Variants in TBC1D22A observed in about 807,000 individuals in gnomAD.
TBC1D22A encodes the protein TBC1 domain family member 22A, also known as putative GTPase activator.
A neutral mutation model predicts 60.2 loss-of-function variants in TBC1D22A; 38 were observed. That is an observed-to-expected ratio of 0.63 (90% confidence interval 0.49 to 0.83). The LOEUF (loss-of-function observed/expected upper bound fraction) is 0.83, where lower values mean the gene tolerates loss of function less well. TBC1D22A is among the 40% of genes least tolerant of loss of function. The pLI is 0.00. For synonymous variants in TBC1D22A, 302 were observed against 281.7 expected, an observed-to-expected ratio of 1.07 and a Z score of -0.72; for missense variants, 628 against 701.0, an observed-to-expected ratio of 0.90 and a Z score of 1.18.
intron 6 of TBC1D22A, 84 bp downstream of exon 6, chr22:46,891,478 C>T: frequency 6.9e-7 from 1 of 1,440,488 alleles, no homozygotes; most frequent in Non-Finnish European, 9.2e-7. Flanking sequence ...TTATCAAAAC[C>T]ATGTGGAGTT....
At chr22:46,847,923 GTGTGTGTGTGT>G (rs2087084131) in intron 4 of TBC1D22A, among the ~76,000 whole-genome samples, 30 of 71,228 alleles carry the variant, frequency 4.2e-4, no homozygotes, top group African/African-American at 1.5e-3. Context: ...TAGTGGGTGT[GTGTGTGTGTGT>G]GTGTGTGTGT....
At chr22:46,802,719 G>A (rs925333062) in intron 4 of TBC1D22A, among the ~76,000 whole-genome samples, 2 of 152,192 alleles carry the variant, frequency 1.3e-5, no homozygotes, top group African/African-American at 4.8e-5. Context: ...GCCGATGACT[G>A]CTTCTGAGCA....
intron 1 of TBC1D22A, among the ~76,000 whole-genome samples, chr22:46,788,490 C>T (rs947877340): frequency 3.3e-5 from 5 of 152,176 alleles, no homozygotes; most frequent in Admixed American, 6.5e-5. Context: ...AGCAGTGGCA[C>T]GTGGCATGGT....
chr22:47,059,020 C>T (rs1377269511), intron 11 of TBC1D22A, among the ~76,000 whole-genome samples: 3 of 152,178 alleles, frequency 2.0e-5, no homozygotes, highest in East Asian at 1.9e-4. Flanking sequence ...ACACTCTACA[C>T]GTCCCCTGTC....
chr22:46,875,961 CCT>C (rs928140700), intron 4 of TBC1D22A, among the ~76,000 whole-genome samples: 9 of 152,168 alleles, frequency 5.9e-5, no homozygotes, highest in Admixed American at 1.3e-4. Context: ...CATGACCCCC[CCT>C]GTCATTGGCG....
At chr22:46,904,399 G>A (rs1353565513) in intron 7 of TBC1D22A, among the ~76,000 whole-genome samples, 1 of 152,038 alleles carries the variant, frequency 6.6e-6, no homozygotes, top group Non-Finnish European at 1.5e-5. Context: ...GTAACCCTCG[G>A]CAATACCATC....
chr22:46,926,241 C>A (rs1006100221), intron 8 of TBC1D22A, among the ~76,000 whole-genome samples: 1 of 151,782 alleles, frequency 6.6e-6, no homozygotes, highest in Non-Finnish European at 1.5e-5. Flanking sequence ...TTCCACTTTC[C>A]GAAACTTAGA....
chr22:47,050,144 A>G (rs890136449), intron 11 of TBC1D22A, among the ~76,000 whole-genome samples: 1 of 152,272 alleles, frequency 6.6e-6, no homozygotes, highest in Admixed American at 6.5e-5. Flanking sequence ...AGCTAGGATT[A>G]AGGCGCCTGC....
chr22:46,866,050 T>C (rs2147389543), intron 4 of TBC1D22A, among the ~76,000 whole-genome samples: 1 of 152,258 alleles, frequency 6.6e-6, no homozygotes, highest in Admixed American at 6.5e-5. Flanking sequence ...TAGAAGTTAA[T>C]GAAAAATTAA....
intron 8 of TBC1D22A, among the ~76,000 whole-genome samples, chr22:46,966,327 G>C (rs774228497): frequency 6.6e-6 from 1 of 152,106 alleles, no homozygotes; most frequent in Non-Finnish European, 1.5e-5. Flanking sequence ...TGTGAGCTGC[G>C]TCCCTCTGTA....
chr22:46,853,997 C>T (rs919936498), intron 4 of TBC1D22A, among the ~76,000 whole-genome samples: 4 of 152,200 alleles, frequency 2.6e-5, no homozygotes, highest in East Asian at 1.9e-4. Context: ...CATTTTGCCC[C>T]GATTTCCCCC....
At chr22:46,799,557 C>A (rs1258494130) in intron 4 of TBC1D22A, among the ~76,000 whole-genome samples, 1 of 152,186 alleles carries the variant, frequency 6.6e-6, no homozygotes, top group African/African-American at 2.4e-5. Flanking sequence ...CCAGTTGTCC[C>A]AGTAATGTCC....
At chr22:46,972,822 C>T (rs187406725) in intron 8 of TBC1D22A, among the ~76,000 whole-genome samples, 223 of 152,298 alleles carry the variant, frequency 1.5e-3, no homozygotes, top group Admixed American at 0.012. Context: ...CAAAGCAATA[C>T]CCATGGAGTG....
intron 4 of TBC1D22A, among the ~76,000 whole-genome samples, chr22:46,865,096 C>T (rs2066988209): frequency 6.6e-6 from 1 of 152,236 alleles, no homozygotes; most frequent in African/African-American, 2.4e-5. Context: ...CATCTCCCAA[C>T]CTCCATTGGC....
chr22:46,937,331 C>T (rs559302921), intron 8 of TBC1D22A, among the ~76,000 whole-genome samples: 1 of 152,314 alleles, frequency 6.6e-6, no homozygotes, highest in South Asian at 2.1e-4. Flanking sequence ...TCTGTCAACA[C>T]TGGATGGCGT....
chr22:47,109,857 A>G (rs1050362384), intron 11 of TBC1D22A, among the ~76,000 whole-genome samples: 1 of 151,890 alleles, frequency 6.6e-6, no homozygotes, highest in Non-Finnish European at 1.5e-5. Context: ...GTCTTGGCCC[A>G]AGTCACTAGC....
At chr22:46,993,758 T>TCTCCCTCCTTTC in intron 9 of TBC1D22A, among the ~76,000 whole-genome samples, 1 of 152,248 alleles carries the variant, frequency 6.6e-6, no homozygotes, top group Middle Eastern at 3.4e-3. Flanking sequence ...GACATTCTTT[T>TCTCCCTCCTTTC]CTCCCTCCTT....
At chr22:46,969,336 A>T (rs573260209) in intron 8 of TBC1D22A, among the ~76,000 whole-genome samples, 48 of 152,270 alleles carry the variant, frequency 3.2e-4, no homozygotes, top group African/African-American at 1.1e-3. Context: ...AGGAGTGTTC[A>T]GACATTCCTG....
intron 12 of TBC1D22A, among the ~76,000 whole-genome samples, chr22:47,125,189 G>A (rs549477663): frequency 8.1e-4 from 124 of 152,280 alleles, no homozygotes; most frequent in African/African-American, 2.8e-3. Context: ...AAGATCTGCC[G>A]CCAGCATGGC....
Sources: gnomAD v4.1 joint callset for allele counts (sites outside exome capture counted in the v4.1 genomes callset) on GRCh38, gnomAD v4.1.1 for gene constraint, MANE v1.5 for transcripts, NCBI Gene and HGNC (gene_info 2026-07-23, HGNC 2026-07-21) for gene names.